Variants in GSPT1 observed in about 807,000 individuals in gnomAD.
GSPT1 encodes the protein eukaryotic peptide chain release factor GTP-binding subunit ERF3A.
In GSPT1, 20 loss-of-function variants were observed where a neutral mutation model predicts 72.5. The ratio of observed to expected loss-of-function variants is 0.28; its 90% confidence interval spans 0.19 to 0.40. The LOEUF (loss-of-function observed/expected upper bound fraction) is 0.40, where lower values mean the gene tolerates loss of function less well. GSPT1 is among the 10% of genes least tolerant of loss of function. GSPT1 has a pLI of 1.00. For synonymous variants in GSPT1, 334 were observed against 293.5 expected (o/e 1.14, Z -1.41); for missense variants, 580 against 811.9 (o/e 0.71, Z 3.47).
In GSPT1 at chr16:11,904,369, A is replaced by AT. The variant is rs1256940171; in HGVS notation, c.353-6335dup. ...AGGCGCGCGCCACCACGCCTGGGTA[A>AT]TTTTTTGTATTTTTAGTAGAGATGG... On this transcript the variant is annotated intron_variant, in intron 1 of 14. Transcript: ENST00000434724. 2.6e-5 allele frequency among the ~76,000 whole-genome samples: 4 copies of AT among 151,934 alleles called. No homozygotes were observed. The East Asian group carries it at 7.7e-4, about 29-fold the overall frequency.
In GSPT1 at chr16:11,906,152, G is replaced by A. The variant is rs184847645; in HGVS notation, c.353-8117C>T. ...GCTGGAGTGCAGTGGCACAATCTGG[G>A]CTCACTGCAACCTCCACCTCCTGGG... On this transcript the variant is annotated intron_variant, in intron 1 of 14. Transcript: ENST00000434724. Among the ~76,000 whole-genome samples the A allele has an allele frequency of 5.1e-3, 772 of 151,968 alleles. 6 individuals are homozygous for A. The highest frequency in any genetic ancestry group is 8.0e-3 in the Non-Finnish European group (542 of 67,972).
chr16:11,894,926 T>A (rs753993871), intron 5 of GSPT1, 28 bp downstream of exon 5: 1 of 1,438,932 alleles, frequency 6.9e-7, no homozygotes, highest in Non-Finnish European at 9.7e-7. Flanking sequence ...AATTTAACTC[T>A]GTTATTTAAC....
intron 4 of GSPT1, chr16:11,895,200 G>A (rs375409532): frequency 3.6e-5 from 15 of 416,372 alleles, no homozygotes; most frequent in African/African-American, 2.2e-4. Context: ...GGAGGCCAGC[G>A]AGGGCGGATG....
chr16:11,909,958 C>T (rs573436504), intron 1 of GSPT1, among the ~76,000 whole-genome samples: 3 of 151,930 alleles, frequency 2.0e-5, no homozygotes, highest in African/African-American at 7.2e-5. Flanking sequence ...CTTAGCCAGG[C>T]GTCATGGTGG....
intron 1 of GSPT1, among the ~76,000 whole-genome samples, chr16:11,904,978 G>GA (rs558123030): frequency 1.6e-4 from 24 of 152,206 alleles, no homozygotes; most frequent in Non-Finnish European, 2.5e-4. Context: ...CCACGCAGGA[G>GA]AATCACTGGA....
At chr16:11,895,643 C>T (rs1021921849) in intron 4 of GSPT1, 1 of 151,800 alleles carries the variant, frequency 6.6e-6, no homozygotes, top group Non-Finnish European at 1.5e-5. Context: ...TTTTTCCCCA[C>T]GAGACGGAAT....
intron 1 of GSPT1, among the ~76,000 whole-genome samples, chr16:11,903,480 A>C (rs2054443594): frequency 6.6e-6 from 1 of 152,156 alleles, no homozygotes; most frequent in Non-Finnish European, 1.5e-5. Flanking sequence ...GCACCACTGC[A>C]CTCCAGCCTG....
At chr16:11,889,560 T>TGCA (rs2141290401) in intron 6 of GSPT1, among the ~76,000 whole-genome samples, 1 of 151,790 alleles carries the variant, frequency 6.6e-6, no homozygotes, top group Admixed American at 6.6e-5. Flanking sequence ...CAGGCTGGAG[T>TGCA]GCAGCAGCAC....
At chr16:11,902,982 G>C (rs751164533) in intron 1 of GSPT1, among the ~76,000 whole-genome samples, 5 of 151,966 alleles carry the variant, frequency 3.3e-5, no homozygotes, top group Non-Finnish European at 5.9e-5. Flanking sequence ...CTCCCAAAGT[G>C]CTGGGATTAC....
intron 14 of GSPT1, among the ~76,000 whole-genome samples, chr16:11,874,698 C>T (rs28279): frequency 2.0e-5 from 3 of 151,744 alleles, no homozygotes; most frequent in African/African-American, 4.8e-5. Context: ...TGTCTTTATA[C>T]AATTTCATCC....
At chr16:11,905,012 G>A (rs1373375068) in intron 1 of GSPT1, among the ~76,000 whole-genome samples, 2 of 152,228 alleles carry the variant, frequency 1.3e-5, no homozygotes, top group Non-Finnish European at 2.9e-5. Flanking sequence ...AGGCTGCAGT[G>A]AGCGGTGATC....
chr16:11,892,524 A>AAAAAAAAAAAAAAAAAAAAAAAAT (rs1567443285), intron 5 of GSPT1, among the ~76,000 whole-genome samples: 1 of 126,644 alleles, frequency 7.9e-6, no homozygotes, highest in African/African-American at 3.7e-5. Context: ...CAAAAAAAAC[A>AAAAAAAAAAAAAAAAAAAAAAAAT]AAAAAAACAA....
At position 11,872,356 on chromosome 16, in the gene GSPT1, G is replaced by T. The variant is rs970710369; in HGVS notation, c.*763C>A. 2.9e-5 allele frequency: 4 copies of T among 139,258 alleles called. No individual in the cohort carries two copies. The highest frequency in any genetic ancestry group is 1.4e-4 in the Admixed American group (2 of 13,858). The allele number at this position is 139,258 out of a possible 1,614,324, so 8.6% of individuals were successfully genotyped here. A position where few individuals can be genotyped will look rare whatever the true frequency, so the allele number is the denominator to read the frequency against. On this transcript the variant is annotated 3_prime_UTR_variant, in exon 15 of 15. Coordinates refer to ENST00000434724, the MANE Select transcript of GSPT1 (RefSeq NM_002094.4). ...TTTTAAAACAACTTACTGTGTTCAAGAAATCATGTTACAATATAAATTGGC... is the reference window on the plus strand; with the variant it reads ...TTTTAAAACAACTTACTGTGTTCAATAAATCATGTTACAATATAAATTGGC...
At chr16:11,891,284 A>C in intron 5 of GSPT1, 145 bp from the exon 6 acceptor site, 1 of 254,782 alleles carries the variant, frequency 3.9e-6, no homozygotes, top group South Asian at 8.5e-5. Flanking sequence ...AATATAAAAT[A>C]TATATATAAC....
intron 1 of GSPT1, among the ~76,000 whole-genome samples, chr16:11,913,443 AT>A (rs1463267144): frequency 6.6e-6 from 1 of 152,214 alleles, no homozygotes; most frequent in Non-Finnish European, 1.5e-5. Context: ...CGCATCTCCA[AT>A]TTCTAGCACT....
rs768568234 is a variant in GSPT1 at position 11,897,894 on chromosome 16, T to C, written c.395-13A>G. On this transcript the variant is annotated splice_polypyrimidine_tract_variant and intron_variant, in intron 2 of 14. Transcript: ENST00000434724. Reference sequence around the variant, plus strand: ...GCTGAATTTGAACCTAGACAAGAGATTGAAATATAATATATATTTACCAAA... The same window carrying C: ...GCTGAATTTGAACCTAGACAAGAGACTGAAATATAATATATATTTACCAAA... 1.9e-5 allele frequency: 29 copies of C among 1,521,906 alleles called. No homozygotes were observed. The highest frequency in any genetic ancestry group is 5.5e-5 in the African/African-American group (4 of 72,708). 94.3% of individuals were successfully genotyped at this position (1,521,906 alleles called of 1,614,324 possible).
intron 1 of GSPT1, among the ~76,000 whole-genome samples, chr16:11,913,101 C>G (rs1262802399): frequency 6.6e-6 from 1 of 152,192 alleles, no homozygotes; most frequent in Non-Finnish European, 1.5e-5. Context: ...TTTTGGTTCC[C>G]CCTTTGTAAG....
Position 11,896,770 on chromosome 16 carries a change from G to C in GSPT1, c.452C>G (p.Thr151Arg), listed in dbSNP as rs747595649. 6.3e-7 allele frequency: 1 copy of C among 1,580,674 alleles called. No individual in the cohort carries two copies. The highest frequency in any genetic ancestry group is 8.6e-7 in the Non-Finnish European group (1 of 1,160,368). ...CCATGATTCTTCTGGAGACATTTCT[G>C]TCTCTCCATTTTCTACTGAAGAAAG... ...LSEPIVENGE[T>R]EMSPEESWEH... Residue 151 changes from threonine to arginine, a missense_variant, in exon 4 of 15, where the codon ACA becomes AGA. By Grantham distance (71) the Thr-to-Arg change is moderately conservative (BLOSUM62 -1). Around this residue, in one of 6 missense-constraint regions of GSPT1, gnomAD observed 327 missense variants for 298.8 expected, o/e 1.09. Transcript: ENST00000434724.
chr16:11,903,971 A>T (rs573376997), intron 1 of GSPT1: 2 of 208,072 alleles, frequency 9.6e-6, no homozygotes, highest in South Asian at 9.1e-5. Flanking sequence ...TCAAAATCTC[A>T]TAATTTCTGC....
Sources: gnomAD v4.1 joint callset for allele counts (sites outside exome capture counted in the v4.1 genomes callset) on GRCh38, gnomAD v4.1.1 for gene constraint, gnomAD v4.1.1 regional missense constraint, MANE v1.5 for transcripts, NCBI Gene and HGNC (gene_info 2026-07-23, HGNC 2026-07-21) for gene names.